The following ADAM11 variants were observed in gnomAD, a reference collection of about 807,000 sequenced individuals.
ADAM11 encodes disintegrin and metalloproteinase domain-containing protein 11.
Under a neutral mutation model 119.1 loss-of-function variants are expected in ADAM11, and 49 were observed. That is an observed-to-expected ratio of 0.41 (90% confidence interval 0.33 to 0.52). The LOEUF is 0.52. Ranked by LOEUF, ADAM11 falls within the 20% of genes least tolerant of loss-of-function variation. ADAM11 has a pLI of 0.20. For missense variants in ADAM11, 777 were observed against 1,047.5 expected, an observed-to-expected ratio of 0.74 and a Z score of 3.56; for synonymous variants, 364 against 408.0, an observed-to-expected ratio of 0.89 and a Z score of 1.30.
chr17:44,759,287 GC>G, intron 1 of ADAM11, 27 bp downstream of exon 1: 1 of 1,363,660 alleles, frequency 7.3e-7, no homozygotes, highest in Non-Finnish European at 9.4e-7. Context: ...CGGCCCCGGC[GC>G]CCCCTCCCTG....
intron 4 of ADAM11, among the ~76,000 whole-genome samples, chr17:44,771,297 CAA>C (rs5820551): frequency 2.3e-3 from 281 of 120,416 alleles, no homozygotes; most frequent in African/African-American, 4.3e-3. Flanking sequence ...GACCCTGTCT[CAA>C]AAAAAAAAAA....
intron 2 of ADAM11, among the ~76,000 whole-genome samples, chr17:44,760,617 G>C (rs2049377950): frequency 1.3e-5 from 2 of 152,234 alleles, no homozygotes; most frequent in African/African-American, 4.8e-5. Context: ...AGCTGGAGCT[G>C]AAAGTGAGCC....
chr17:44,777,335 G>A lies in ADAM11; in HGVS notation c.1781+70G>A. 3 of 1,544,532 alleles carry A rather than the reference G, an allele frequency of 1.9e-6. No individual in the cohort carries two copies. The highest frequency in any genetic ancestry group is 2.4e-5 in the South Asian group (2 of 84,428). On this transcript the variant is annotated intron_variant, in intron 21 of 26. Transcript: ENST00000200557. This position sits in a 1 kb window ranked among gnomAD's most constrained non-coding sequence, Gnocchi z 5.1. ...TGTGAGACTTTTCAGAGATGGGGCA[G>A]CAGGTTCTCCCAGGAGGAGCCTGTC...
At chr17:44,761,266 G>A (rs1484963922) in intron 2 of ADAM11, among the ~76,000 whole-genome samples, 1 of 152,164 alleles carries the variant, frequency 6.6e-6, no homozygotes, top group Admixed American at 6.5e-5. Context: ...ATGGAGGGAT[G>A]TCACCGCAGG....
At chr17:44,766,211 G>T (rs929247110) in intron 2 of ADAM11, among the ~76,000 whole-genome samples, 1 of 152,134 alleles carries the variant, frequency 6.6e-6, no homozygotes, top group African/African-American at 2.4e-5. Flanking sequence ...AGGGAGGTCC[G>T]GGCAGGAGTT....
rs1473862657 is a variant in ADAM11 at position 44,775,525 on chromosome 17, C to A, written c.1393-59C>A. On this transcript the variant is annotated intron_variant, in intron 16 of 26. Transcript: ENST00000200557. The surrounding 1 kb of genome is among the most constrained non-coding windows in gnomAD (Gnocchi z 7.5). ...GGATGCGGGGGTGGGCACGAGGGAG[C>A]GTCTGAGTGGGAGGATTAGGGCTCG... 1.1e-5 allele frequency: 18 copies of A among 1,570,560 alleles called. No individual in the cohort carries two copies. The highest frequency in any genetic ancestry group is 1.5e-5 in the Non-Finnish European group (18 of 1,161,782).
rs781437125 is a variant in ADAM11, at chr17:44,773,097, T to A, written c.825+12T>A. 6.2e-7 allele frequency: 1 copy of A among 1,609,760 alleles called. No individual in the cohort carries two copies. Among genetic ancestry groups the A allele is most frequent in the Admixed American group, 1.7e-5 (1 of 59,894 alleles). ...ACCTGGCCGATGTGGTAAGCAGCTCTCCCTCCCTCCCTTCCCTCCTCCTCA... is the reference window on the plus strand; with the variant it reads ...ACCTGGCCGATGTGGTAAGCAGCTCACCCTCCCTCCCTTCCCTCCTCCTCA... On this transcript the variant is annotated intron_variant, in intron 10 of 26. Transcript: ENST00000200557. The surrounding 1 kb of genome is among the most constrained non-coding windows in gnomAD (Gnocchi z 4.6).
rs1424528958 is a variant in ADAM11, at chr17:44,776,278, CGGACGAGTGCTCA to C, written c.1566+73_1566+85del. ...CCTACCCTTGTCGATTTGGTTTTCC[CGGACGAGTGCTCA>C]GCACTCCCCTCCTCTCCACAGCTGG... On this transcript the variant is annotated intron_variant, in intron 18 of 26. Coordinates refer to ENST00000200557, the MANE Select transcript of ADAM11 (RefSeq NM_002390.6). The surrounding 1 kb of genome is among the most constrained non-coding windows in gnomAD (Gnocchi z 5.2). The C allele has an allele frequency of 6.5e-6, 10 of 1,545,210 alleles. No homozygotes were observed. In the African/African-American group the frequency reaches 1.4e-4, roughly 21 times the overall value.
intron 4 of ADAM11, 139 bp downstream of exon 4, chr17:44,770,187 C>T: frequency 9.4e-7 from 1 of 1,062,946 alleles, no homozygotes; most frequent in Non-Finnish European, 1.4e-6. Context: ...TCCCTCTCTC[C>T]CGACCCAGGA....
rs1448889049 is a variant in ADAM11, at chr17:44,780,240, A to G, written c.*486A>G. 8 of 437,856 alleles carry G rather than the reference A, an allele frequency of 1.8e-5. No homozygotes were observed. Among genetic ancestry groups the G allele is most frequent in the Non-Finnish European group, 3.6e-5 (8 of 223,610 alleles). 27.1% of individuals were successfully genotyped at this position (437,856 alleles called of 1,614,324 possible). ...ATGTAAACTCGGGGGTGCTGGGGCC[A>G]GGGCAGATGTGGGGATGTTTTGACA... On this transcript the variant is annotated 3_prime_UTR_variant, in exon 27 of 27. Coordinates refer to ENST00000200557, the MANE Select transcript of ADAM11 (RefSeq NM_002390.6).
intron 2 of ADAM11, among the ~76,000 whole-genome samples, chr17:44,767,634 C>T (rs2049466937): frequency 6.6e-6 from 1 of 152,220 alleles, no homozygotes; most frequent in Admixed American, 6.5e-5. Flanking sequence ...CCTCCTGGGC[C>T]ACCTCCAGCC....
chr17:44,769,648 C>G, intron 2 of ADAM11, 70 bp from the exon 3 acceptor site: 1 of 1,060,502 alleles, frequency 9.4e-7, no homozygotes, highest in Non-Finnish European at 1.5e-6. Flanking sequence ...ACTGTTGCTC[C>G]CGGGATCCCC....
At position 44,780,232 on chromosome 17, in the gene ADAM11, C is replaced by T. The variant is rs187889647; in HGVS notation, c.*478C>T. 2.5e-4 allele frequency: 113 copies of T among 444,720 alleles called. No individual in the cohort carries two copies. The highest frequency in any genetic ancestry group is 2.1e-3 in the African/African-American group (103 of 49,138). 27.5% of individuals were successfully genotyped at this position (444,720 alleles called of 1,614,324 possible). ...ATCGATGAATGTAAACTCGGGGGTG[C>T]TGGGGCCAGGGCAGATGTGGGGATG... is the stretch of plus-strand genomic sequence containing the variant. On this transcript the variant is annotated 3_prime_UTR_variant, in exon 27 of 27. Transcript: ENST00000200557.
At position 44,771,615 on chromosome 17, in the gene ADAM11, A is replaced by C; in HGVS notation, c.413A>C (p.Lys138Thr). 2 of 1,611,938 alleles carry C rather than the reference A, an allele frequency of 1.2e-6. No individual in the cohort carries two copies. Among genetic ancestry groups the C allele is most frequent in the Non-Finnish European group, 1.7e-6 (2 of 1,179,498 alleles). The stretch of plus-strand genomic sequence containing the variant: ...GGAGACCACTGCTACTACCAGGGGA[A>C]GCTCCGGGGGAACCCGCACTCCTTC... ...GAGDHCYYQG[K>T]LRGNPHSFAA... Residue 138 changes from lysine (K) to threonine (T), a missense_variant, in exon 5 of 27, where the codon AAG becomes ACG. Lys to Thr is a moderately conservative substitution (Grantham distance 78, BLOSUM62 -1). Coordinates refer to ENST00000200557, the MANE Select transcript of ADAM11 (RefSeq NM_002390.6).
chr17:44,775,402 C>G lies in ADAM11; in HGVS notation c.1329C>G (p.Asp443Glu). The G allele has an allele frequency of 6.2e-7, 1 of 1,611,806 alleles. No individual in the cohort carries two copies. Among genetic ancestry groups the G allele is most frequent in the South Asian group, 1.1e-5 (1 of 91,058 alleles). The change falls in exon 16 of 27, where the codon GAC (aspartate) becomes GAG (glutamate). Residue 443 changes from aspartate (D) to glutamate (E), a missense_variant. This residue lies in a region of ADAM11 where 348 missense variants were observed against 486.7 expected (regional missense o/e 0.72). Coordinates refer to ENST00000200557, the MANE Select transcript of ADAM11 (RefSeq NM_002390.6). This position sits in a 1 kb window ranked among gnomAD's most constrained non-coding sequence, Gnocchi z 7.5. ...CLFNKPLKLL[D>E]PPECGNGFVE... Reference sequence around the variant, plus strand: ...CTGTCCTCCCGGTCCAGCTCCTGGACCCCCCAGAGTGCGGGAACGGCTTCG... The same window carrying G: ...CTGTCCTCCCGGTCCAGCTCCTGGAGCCCCCAGAGTGCGGGAACGGCTTCG...
chr17:44,778,087 G>C (rs1292776818), intron 24 of ADAM11, 21 bp downstream of exon 24: 2 of 1,610,256 alleles, frequency 1.2e-6, no homozygotes, highest in Admixed American at 3.3e-5. Flanking sequence ...AGCTGGCCGA[G>C]GGGGGTCTGT....
Position 44,772,550 on chromosome 17 carries a change from C to G in ADAM11, c.678+84C>G, listed in dbSNP as rs1198306674. 5.4e-6 allele frequency: 8 copies of G among 1,476,022 alleles called. No individual in the cohort carries two copies. In the Admixed American group the frequency reaches 1.5e-4, roughly 27 times the overall value. 91.4% of individuals were successfully genotyped at this position (1,476,022 alleles called of 1,614,324 possible). ...GGCCGTGGCCCAGAGCAGGAGGGCA[C>G]CCTCATCTATGGCTGGGGCGAAGGA... On this transcript the variant is annotated intron_variant, in intron 8 of 26. Coordinates refer to ENST00000200557, the MANE Select transcript of ADAM11 (RefSeq NM_002390.6). The surrounding 1 kb of genome is among the most constrained non-coding windows in gnomAD (Gnocchi z 4.5).
chr17:44,778,912 C>T (rs2145249619), intron 25 of ADAM11, among the ~76,000 whole-genome samples: 1 of 152,204 alleles, frequency 6.6e-6, no homozygotes, highest in East Asian at 1.9e-4. Flanking sequence ...CCCACCCAGC[C>T]TATAATGCTT....
chr17:44,777,287 G>A lies in ADAM11; in HGVS notation c.1781+22G>A. The A allele has an allele frequency of 1.3e-6, 2 of 1,584,362 alleles. No individual in the cohort carries two copies. The highest frequency in any genetic ancestry group is 1.7e-6 in the Non-Finnish European group (2 of 1,167,466). Reference sequence around the variant, plus strand: ...AGCAGTGAGTACTGAGGCTCCCAGAGGGCCTCTCAGCTCCAGGGCAGGTGT... The same window carrying A: ...AGCAGTGAGTACTGAGGCTCCCAGAAGGCCTCTCAGCTCCAGGGCAGGTGT... On this transcript the variant is annotated intron_variant, in intron 21 of 26. Transcript: ENST00000200557. The surrounding 1 kb of genome is among the most constrained non-coding windows in gnomAD (Gnocchi z 5.1).
Sources: allele counts gnomAD v4.1 joint callset (sites outside exome capture counted in the v4.1 genomes callset), GRCh38; gene constraint gnomAD v4.1.1; regional missense constraint gnomAD v4.1.1; non-coding constraint Gnocchi (gnomAD v3.1); transcripts MANE v1.5; gene names NCBI Gene and HGNC (gene_info 2026-07-23, HGNC 2026-07-21).